The following SERPINB6 variants were observed in gnomAD, a reference collection of about 807,000 sequenced individuals.
SERPINB6 encodes serpin B6.
A neutral mutation model predicts 26.1 loss-of-function variants in SERPINB6; 16 were observed. The ratio of observed to expected loss-of-function variants is 0.61; its 90% CI spans 0.42 to 0.93. The LOEUF is 0.93. Ranked by LOEUF, SERPINB6 falls within the 40% of genes least tolerant of loss-of-function variation. The pLI is 0.00. For missense variants in SERPINB6, 420 were observed against 478.0 expected (o/e 0.88, Z 1.13); for synonymous variants, 174 against 176.6 (o/e 0.99, Z 0.11).
At chr6:2,955,863 G>A (rs1226335263) in intron 2 of SERPINB6, 193 bp from the exon 3 acceptor site, 2 of 558,074 alleles carry the variant, frequency 3.6e-6, no homozygotes, top group East Asian at 6.4e-5. Flanking sequence ...GATCACCTGA[G>A]GTCAGGAGTT....
intron 2 of SERPINB6, among the ~76,000 whole-genome samples, chr6:2,958,595 C>T (rs1022393216): frequency 2.6e-5 from 4 of 152,196 alleles, no homozygotes; most frequent in South Asian, 2.1e-4. Flanking sequence ...ACGGAGAAGA[C>T]GCCCAGCGCC....
chr6:2,969,339 T>C, intron 1 of SERPINB6: 2 of 984,970 alleles, frequency 2.0e-6, no homozygotes, highest in African/African-American at 3.5e-5. Context: ...TAGCTAAGTG[T>C]CCTTCATATA....
intron 4 of SERPINB6, among the ~76,000 whole-genome samples, chr6:2,954,117 CAAA>C (rs540686090): frequency 2.4e-4 from 16 of 67,782 alleles, no homozygotes; most frequent in Non-Finnish European, 2.5e-4. Context: ...GACCTTGTCT[CAAA>C]AAAAAAAAAA....
intron 1 of SERPINB6, chr6:2,961,985 C>G: frequency 1.0e-6 from 1 of 983,838 alleles, no homozygotes; most frequent in Non-Finnish European, 1.2e-6. Flanking sequence ...CTCAGCCTCC[C>G]AAGGTGCTGA....
rs114592320 is a variant in SERPINB6, at chr6:2,965,626, T to G, written c.-11+5907A>C. 9.6e-3 allele frequency among the ~76,000 whole-genome samples: 1,462 copies of G among 152,350 alleles called. 22 individuals are homozygous for G. The highest frequency in any genetic ancestry group is 0.031 in the African/African-American group (1,270 of 41,576). ...ATAAATCTAGTAAGCTAGCCTCTCC[T>G]AAGACTTTCAAACAGTACAATGATT... On this transcript the variant is annotated intron_variant, in intron 1 of 6. Coordinates refer to ENST00000380539, the MANE Select transcript of SERPINB6 (RefSeq NM_004568.6).
At chr6:2,971,688 C>T (rs1772197487), upstream of SERPINB6, 1 of 152,112 alleles carries the variant, frequency 6.6e-6, no homozygotes, top group South Asian at 2.1e-4. Flanking sequence ...ACGTGCGGGT[C>T]AACCCCACCC....
intron 1 of SERPINB6, chr6:2,971,252 C>T: frequency 1.1e-6 from 1 of 891,640 alleles, no homozygotes; most frequent in Non-Finnish European, 1.3e-6. Flanking sequence ...ACTCACCCGG[C>T]CGCGTCGCCG....
chr6:2,964,499 A>G (rs1002687629), intron 1 of SERPINB6, among the ~76,000 whole-genome samples: 6 of 152,224 alleles, frequency 3.9e-5, no homozygotes, highest in Non-Finnish European at 5.9e-5. Context: ...TACAGACAGA[A>G]TAGAGGGAAA....
chr6:2,960,926 GA>G (rs1330686686), intron 1 of SERPINB6: 1 of 152,346 alleles, frequency 6.6e-6, no homozygotes, highest in Non-Finnish European at 1.5e-5. Context: ...GATCTCACGG[GA>G]AAAAGCAATG....
chr6:2,954,709 A>C lies in SERPINB6; in HGVS notation c.313T>G (p.Ser105Ala), dbSNP rs771798303. 4 of 1,608,266 alleles carry C rather than the reference A, an allele frequency of 2.5e-6. No homozygotes were observed. The highest frequency in any genetic ancestry group is 1.7e-5 in the Admixed American group (1 of 59,980). The stretch of plus-strand genomic sequence containing the variant: ...AATTTTTGGCAGGAATCTCTAAAAG[A>C]CTAGGATAGACAGAGTGACATAACT... The part of the protein sequence containing the change: ...FGEKSCDFLS[S>A]FRDSCQKFYQ... Residue 105 changes from serine to alanine, a missense_variant and splice_region_variant, in exon 4 of 7, where the codon TCT becomes GCT. Transcript: ENST00000380539.
At chr6:2,965,460 G>A (rs920163387) in intron 1 of SERPINB6, among the ~76,000 whole-genome samples, 10 of 151,948 alleles carry the variant, frequency 6.6e-5, no homozygotes, top group African/African-American at 2.4e-4. Flanking sequence ...TTGCTTACAG[G>A]GCAAAGAAAT....
At position 2,948,806 on chromosome 6, in the gene SERPINB6, G is replaced by A; in HGVS notation, c.730-107C>T. 6.4e-7 allele frequency: 1 copy of A among 1,570,674 alleles called. No homozygotes were observed. The highest frequency in any genetic ancestry group is 1.7e-4 in the Middle Eastern group (1 of 5,978). On this transcript the variant is annotated intron_variant, in intron 6 of 6. Coordinates refer to ENST00000380539, the MANE Select transcript of SERPINB6 (RefSeq NM_004568.6). The surrounding 1 kb of genome is among the most constrained non-coding windows in gnomAD (Gnocchi z 5.0). ...ACCAGTGGCAGCGTGGCTATGGTCA[G>A]CAGCGCTCCAGTGTTAAACGGCTGA...
At chr6:2,952,987 G>T in intron 5 of SERPINB6, 57 bp downstream of exon 5, 2 of 1,611,174 alleles carry the variant, frequency 1.2e-6, no homozygotes, top group South Asian at 1.1e-5. Flanking sequence ...GGGAGGCCCC[G>T]AGCCGGAGAC....
intron 1 of SERPINB6, chr6:2,959,623 C>T: frequency 2.1e-6 from 1 of 469,558 alleles, no homozygotes; most frequent in South Asian, 2.1e-5. Context: ...AGGAGGCACC[C>T]TTTCCTGGAG....
intron 1 of SERPINB6, chr6:2,963,889 C>A (rs1771374340): frequency 6.6e-6 from 1 of 152,254 alleles, no homozygotes; most frequent in South Asian, 2.1e-4. Context: ...CATGACACAT[C>A]TGTGCTAACA....
At position 2,949,037 on chromosome 6, in the gene SERPINB6, C is replaced by T. The variant is rs770197216; in HGVS notation, c.606G>A (p.Lys202=). Residue 202 remains lysine, a synonymous_variant, in exon 6 of 7, where the codon AAG becomes AAA. Coordinates refer to ENST00000380539, the MANE Select transcript of SERPINB6 (RefSeq NM_004568.6). The stretch of plus-strand genomic sequence containing the variant: ...TATAGGTCTTCTTAAAAGTAGATTG[C>T]TTAAACATCATTTGCACAGGTTTCT... ...NEEKPVQMMF[K]QSTFKKTYIG... The T allele has an allele frequency of 1.2e-6, 2 of 1,614,168 alleles. No homozygotes were observed. Among genetic ancestry groups the T allele is most frequent in the South Asian group, 1.1e-5 (1 of 91,080 alleles).
At chr6:2,970,258 T>G in intron 1 of SERPINB6, 1 of 985,466 alleles carries the variant, frequency 1.0e-6, no homozygotes, top group Non-Finnish European at 1.2e-6. Context: ...CCGTGTTAAC[T>G]GTTTCATGCT....
In SERPINB6 at chr6:2,959,230, A is replaced by G; in HGVS notation, c.103T>C (p.Ser35Pro). The change falls in exon 2 of 7, where the codon TCC becomes CCC. Residue 35 changes from serine to proline, a missense_variant. Transcript: ENST00000380539. ...KNVFFSPMSM[S>P]CALAMVYMGA... ...ATGTAGACCATGGCCAGGGCACAGG[A>G]CATGCTCATGGGTGAGAAAAACACA... 1 of 1,614,204 alleles carries G rather than the reference A, an allele frequency of 6.2e-7. No homozygotes were observed. The highest frequency in any genetic ancestry group is 8.5e-7 in the Non-Finnish European group (1 of 1,180,034).
At chr6:2,971,616 C>A (rs1044886768), upstream of SERPINB6, 3 of 152,036 alleles carry the variant, frequency 2.0e-5, no homozygotes, top group African/African-American at 7.2e-5. Flanking sequence ...GGGAGGCGGG[C>A]GGAGTCCCGG....
Sources: allele counts gnomAD v4.1 joint callset (sites outside exome capture counted in the v4.1 genomes callset), GRCh38; gene constraint gnomAD v4.1.1; non-coding constraint Gnocchi (gnomAD v3.1); transcripts MANE v1.5; gene names NCBI Gene and HGNC (gene_info 2026-07-23, HGNC 2026-07-21).